CYBB: variants seen among roughly 807,000 people sequenced by gnomAD.
The protein encoded by CYBB is cytochrome b-245 beta chain, also known as NADPH oxidase 2.
A neutral mutation model predicts 46.5 loss-of-function variants in CYBB; 5 were observed. The observed-to-expected ratio is 0.11, with a 90% confidence interval of 0.06 to 0.23. CYBB has a LOEUF of 0.23. CYBB is among the 10% of genes least tolerant of loss of function. The pLI is 1.00. For synonymous variants in CYBB, 183 were observed against 156.7 expected (o/e 1.17, Z -1.26); for missense variants, 307 against 428.3 (o/e 0.72, Z 2.50).
chrX:37,780,255 A>G (rs782275207), intron 1 of CYBB, 133 bp downstream of exon 1: 188 of 534,843 alleles, frequency 3.5e-4, no homozygotes, highest in Non-Finnish European at 5.6e-4. Flanking sequence ...ACCTATATCT[A>G]TCTGTAAACA....
intron 3 of CYBB, among the ~76,000 whole-genome samples, chrX:37,790,487 C>T (rs1929175310): frequency 8.9e-6 from 1 of 112,045 alleles, no homozygotes; most frequent in Non-Finnish European, 1.9e-5. Flanking sequence ...TACCTTGTTG[C>T]ATTAAATGAG....
chrX:37,799,140 T>C, intron 7 of CYBB, 56 bp downstream of exon 7: 1 of 1,101,939 alleles, frequency 9.1e-7, no homozygotes, highest in Non-Finnish European at 1.3e-6. Context: ...CTTTAACCTG[T>C]GTCTAAGAAA....
rs782548848 is a variant in CYBB, at chrX:37,803,900, C to T, written c.921C>T (p.Thr307=). 16 of 1,210,196 alleles carry T rather than the reference C, an allele frequency of 1.3e-5. No homozygotes were observed. Among genetic ancestry groups the T allele is most frequent in the Non-Finnish European group, 1.7e-5 (15 of 894,341 alleles). Residue 307 remains threonine, a synonymous_variant, in exon 9 of 13, where the codon ACC becomes ACT. Transcript: ENST00000378588. The stretch of plus-strand genomic sequence containing the variant: ...AGGTGGTCACTCACCCTTTCAAAAC[C>T]ATCGAGCTACAGATGAAGAAGAAGG... ...ITKVVTHPFK[T]IELQMKKKGF...
rs6610669 is a variant in CYBB, at chrX:37,793,888, C to T, written c.483+78C>T. 160,074 of 972,981 alleles carry T rather than the reference C, an allele frequency of 0.16. 9,735 individuals carry two copies. Among genetic ancestry groups the T allele is most frequent in the South Asian group, 0.2 (9,899 of 48,361 alleles). The allele number at this position is 972,981 out of a possible 1,213,427, so 80.2% of individuals were successfully genotyped here. On this transcript the variant is annotated intron_variant, in intron 5 of 12. Coordinates refer to ENST00000378588, the MANE Select transcript of CYBB (RefSeq NM_000397.4). ...ACTAGATTTCAGTGAGTGAAGACCT[C>T]TCCTTTGCCAAAAAAAAAAAAAGTT... is the stretch of plus-strand genomic sequence containing the variant.
chrX:37,801,191 C>T (rs946038531), intron 7 of CYBB, 65 bp from the exon 8 acceptor site: 2 of 787,143 alleles, frequency 2.5e-6, no homozygotes, highest in Admixed American at 4.4e-5. Context: ...ATTTTTCTCC[C>T]TCTGAATATT....
At position 37,784,087 on chromosome X, in the gene CYBB, A is replaced by G. The variant is rs141962586; in HGVS notation, c.252+487A>G. Among the ~76,000 whole-genome samples, 579 of 111,738 alleles carry G rather than the reference A, an allele frequency of 5.2e-3. 4 individuals carry two copies. Among genetic ancestry groups the G allele is most frequent in the African/African-American group, 0.017 (522 of 30,730 alleles). On this transcript the variant is annotated intron_variant, in intron 3 of 12. Coordinates refer to ENST00000378588, the MANE Select transcript of CYBB (RefSeq NM_000397.4). ...TTGGCTTCATGGAACTGGGGAGCAT[A>G]GAGCTTTCTAAATGTCCAGAATTCC...
chrX:37,782,902 C>T (rs2146803643), intron 2 of CYBB, among the ~76,000 whole-genome samples: 1 of 111,754 alleles, frequency 8.9e-6, no homozygotes, highest in African/African-American at 3.2e-5. Flanking sequence ...CACATTGATG[C>T]TTTCTCCCGC....
chrX:37,801,282 G>A lies in CYBB; in HGVS notation c.831G>A (p.Met277Ile), dbSNP rs782206726. ...CTTGGAAATGGATAGTGGGTCCCAT[G>A]TTTCTGTATCTCTGTGAGAGGTTGG... is the stretch of plus-strand genomic sequence containing the variant. ...PMTWKWIVGP[M>I]FLYLCERLVR... Residue 277 changes from methionine (M) to isoleucine (I), a missense_variant, in exon 8 of 13, where the codon ATG (methionine) becomes ATA (isoleucine). Coordinates refer to ENST00000378588, the MANE Select transcript of CYBB (RefSeq NM_000397.4). 1 of 1,208,448 alleles carries A rather than the reference G, an allele frequency of 8.3e-7. No homozygotes were observed. The highest frequency in any genetic ancestry group is 1.8e-5 in the South Asian group (1 of 56,944).
intron 10 of CYBB, among the ~76,000 whole-genome samples, chrX:37,805,940 C>T (rs1929551959): frequency 8.9e-6 from 1 of 112,306 alleles, no homozygotes; most frequent in South Asian, 3.7e-4. Context: ...CTCCCTGTAC[C>T]TCTTTTCCAT....
At position 37,809,614 on chromosome X, in the gene CYBB, A is replaced by G. The variant is rs2146821167; in HGVS notation, c.1509A>G (p.Thr503=). ...VHHDEEKDVI[T]GLKQKTLYGR... The stretch of plus-strand genomic sequence containing the variant: ...ATGATGAGGAGAAAGATGTGATCAC[A>G]GGCCTGAAACAAAAGACTTTGTATG... Residue 503 remains threonine (T), a synonymous_variant, in exon 12 of 13, where the codon ACA becomes ACG. Transcript: ENST00000378588. 3 of 1,204,575 alleles carry G rather than the reference A, an allele frequency of 2.5e-6. No homozygotes were observed. Among genetic ancestry groups the G allele is most frequent in the East Asian group, 3.0e-5 (1 of 33,691 alleles).
At chrX:37,802,022 T>G (rs186615128) in intron 8 of CYBB, among the ~76,000 whole-genome samples, 120 of 112,078 alleles carry the variant, frequency 1.1e-3, no homozygotes, top group Middle Eastern at 9.3e-3. Context: ...GAACTCCTTG[T>G]TATAATTTCA....
intron 11 of CYBB, among the ~76,000 whole-genome samples, chrX:37,808,249 A>G (rs1464231388): frequency 8.9e-6 from 1 of 111,740 alleles, no homozygotes; most frequent in African/African-American, 3.2e-5. Flanking sequence ...CAAAGGCTGC[A>G]TCTTCTGGGT....
intron 8 of CYBB, among the ~76,000 whole-genome samples, chrX:37,803,023 T>C (rs1327521020): frequency 8.9e-6 from 1 of 112,140 alleles, no homozygotes; most frequent in Non-Finnish European, 1.9e-5. Flanking sequence ...TGAATAAAGC[T>C]GTTATAAACG....
chrX:37,796,871 G>A (rs1929321796), intron 6 of CYBB, among the ~76,000 whole-genome samples: 1 of 111,967 alleles, frequency 8.9e-6, no homozygotes, highest in African/African-American at 3.2e-5. Flanking sequence ...TGAGATTGGA[G>A]CCAGGCAGTC....
chrX:37,804,855 C>A, intron 9 of CYBB, 151 bp from the exon 10 acceptor site: 1 of 610,582 alleles, frequency 1.6e-6, no homozygotes, highest in Non-Finnish European at 2.6e-6. Flanking sequence ...AGTTTGGTTA[C>A]TTGAAAGCTA....
chrX:37,780,524 C>G (rs782116947), intron 1 of CYBB, among the ~76,000 whole-genome samples: 1 of 111,192 alleles, frequency 9.0e-6, no homozygotes, highest in South Asian at 3.7e-4. Flanking sequence ...ATAAGATTGA[C>G]TCATGTATGG....
At chrX:37,798,217 G>T in intron 6 of CYBB, 1 of 111,571 alleles carries the variant, frequency 9.0e-6, no homozygotes, top group East Asian at 2.8e-4. Context: ...TCTACTCAAC[G>T]TTGGGCCTTC....
Position 37,783,350 on chromosome X carries a change from G to A in CYBB, c.142-140G>A, listed in dbSNP as rs35687444. On this transcript the variant is annotated intron_variant, in intron 2 of 12. Transcript: ENST00000378588. ...TCCTAGCTAGCCCTAAAGGAAAACC[G>A]TTGGCTCTGAAGGACCTTCCTGTAC... 1.6e-3 allele frequency: 789 copies of A among 493,108 alleles called. 4 individuals carry two copies. The highest frequency in any genetic ancestry group is 0.015 in the African/African-American group (620 of 42,432). 40.6% of individuals were successfully genotyped at this position (493,108 alleles called of 1,213,427 possible).
At chrX:37,809,430 C>G (rs1296111198) in intron 11 of CYBB, 137 bp from the exon 12 acceptor site, 1 of 679,534 alleles carries the variant, frequency 1.5e-6, no homozygotes, top group African/African-American at 2.2e-5. Context: ...GAGAGAGATC[C>G]AGTTTATTTA....
Sources: gnomAD v4.1 joint callset for allele counts (sites outside exome capture counted in the v4.1 genomes callset) on GRCh38, gnomAD v4.1.1 for gene constraint, MANE v1.5 for transcripts, NCBI Gene and HGNC (gene_info 2026-07-23, HGNC 2026-07-21) for gene names.